Variants in COBLL1 observed in about 807,000 individuals in gnomAD.
COBLL1 encodes cordon-bleu protein-like 1.
Under a neutral mutation model 94.8 loss-of-function variants are expected in COBLL1, and 50 were observed. The ratio of observed to expected loss-of-function variants is 0.53; its 90% CI spans 0.42 to 0.67. COBLL1 has a LOEUF of 0.67. COBLL1 is among the 30% of genes least tolerant of loss of function. The pLI, the probability that COBLL1 is intolerant of heterozygous loss-of-function variation, is 0.00. For synonymous variants in COBLL1, 448 were observed against 473.8 expected (o/e 0.95, Z 0.71); for missense variants, 1,362 against 1,348.7 (o/e 1.01, Z -0.15).
At chr2:164,701,900 G>C (rs1050360026) in intron 9 of COBLL1, among the ~76,000 whole-genome samples, 26 of 151,206 alleles carry the variant, frequency 1.7e-4, no homozygotes, top group Middle Eastern at 3.4e-3. Context: ...GGTGGGAGGG[G>C]GGGGCGGGGT....
intron 2 of COBLL1, among the ~76,000 whole-genome samples, chr2:164,661,155 T>C (rs978431446): frequency 4.6e-5 from 7 of 152,070 alleles, no homozygotes; most frequent in African/African-American, 1.7e-4. Context: ...CAGTACCTTA[T>C]TATTGGGGGA....
At chr2:164,678,715 T>C (rs566868016), downstream of COBLL1, among the ~76,000 whole-genome samples, 6 of 152,246 alleles carry the variant, frequency 3.9e-5, no homozygotes, top group South Asian at 1.2e-3. Context: ...CAAGAATATA[T>C]AAAGCACTTC....
At chr2:164,725,459 C>G (rs778766739) in intron 5 of COBLL1, among the ~76,000 whole-genome samples, 2 of 151,718 alleles carry the variant, frequency 1.3e-5, no homozygotes, top group African/African-American at 2.4e-5. Flanking sequence ...ACTCTGTCAC[C>G]CAGTCTGGAG....
intron 7 of COBLL1, among the ~76,000 whole-genome samples, chr2:164,718,035 T>TA (rs1219589024): frequency 6.6e-6 from 1 of 152,198 alleles, no homozygotes; most frequent in East Asian, 1.9e-4. Context: ...ACCATAAAAG[T>TA]AAATGTAAGC....
At chr2:164,748,843 G>A in intron 2 of COBLL1, among the ~76,000 whole-genome samples, 1 of 152,044 alleles carries the variant, frequency 6.6e-6, no homozygotes, top group East Asian at 1.9e-4. Flanking sequence ...GTAAATTATT[G>A]CTTATGCAAA....
At chr2:164,815,982 A>T (rs766889281) in intron 2 of COBLL1, among the ~76,000 whole-genome samples, 32 of 152,204 alleles carry the variant, frequency 2.1e-4, no homozygotes, top group Non-Finnish European at 3.2e-4. Flanking sequence ...AAACAATGTG[A>T]GCAAGTGCTA....
chr2:164,662,754 G>T (rs923308396), intron 2 of COBLL1, among the ~76,000 whole-genome samples: 1 of 152,086 alleles, frequency 6.6e-6, no homozygotes, highest in Non-Finnish European at 1.5e-5. Context: ...GACTAAAAGT[G>T]TGTGACAACT....
chr2:164,786,212 C>T (rs1688948637), intron 2 of COBLL1, among the ~76,000 whole-genome samples: 3 of 152,160 alleles, frequency 2.0e-5, no homozygotes, highest in African/African-American at 7.2e-5. Context: ...TTTCTGACTG[C>T]TCATATTCCA....
intron 2 of COBLL1, among the ~76,000 whole-genome samples, chr2:164,796,659 T>C (rs1426640354): frequency 1.5e-5 from 2 of 130,098 alleles, no homozygotes; most frequent in Non-Finnish European, 3.1e-5. Context: ...ACCAAGCTCC[T>C]ATAAAATTTA....
chr2:164,704,922 A>C (rs1249761168), intron 8 of COBLL1, 30 bp downstream of exon 8: 1 of 1,527,058 alleles, frequency 6.5e-7, no homozygotes, highest in Non-Finnish European at 8.8e-7. Context: ...ACACAATACA[A>C]ATGTAATGTT....
At chr2:164,704,842 A>G (rs1484017662) in intron 8 of COBLL1, 110 bp downstream of exon 8, 11 of 1,168,198 alleles carry the variant, frequency 9.4e-6, no homozygotes, top group Admixed American at 2.6e-5. Flanking sequence ...ATGTATTTAA[A>G]AAGCCTAAGT....
chr2:164,679,809 A>G (rs1682960427), downstream of COBLL1, among the ~76,000 whole-genome samples: 1 of 151,898 alleles, frequency 6.6e-6, no homozygotes, highest in African/African-American at 2.4e-5. Context: ...TAGAGGAGGG[A>G]TATCATTAAG....
intron 9 of COBLL1, chr2:164,703,323 A>G: frequency 1.4e-6 from 1 of 715,744 alleles, no homozygotes; most frequent in Non-Finnish European, 2.4e-6. Flanking sequence ...GTTAGCTCAC[A>G]ATTATCCATG....
intron 2 of COBLL1, among the ~76,000 whole-genome samples, chr2:164,774,214 T>C (rs1688352572): frequency 6.6e-6 from 1 of 152,146 alleles, no homozygotes; most frequent in African/African-American, 2.4e-5. Context: ...AAAGCAGGCA[T>C]TTAATTTTGT....
chr2:164,687,724 T>C (rs576636718), intron 13 of COBLL1: 26 of 660,888 alleles, frequency 3.9e-5, no homozygotes, highest in Admixed American at 3.8e-4. Context: ...TTTGCAGCCA[T>C]TGCACACTGG....
rs1251356118 is a variant in COBLL1 at position 164,704,987 on chromosome 2, G to A, written c.1115C>T (p.Pro372Leu). ...ACTATTTTCATCACTTTGATGCGGGGGTATTTTGGAGGGTGGGGAAGGTGC... is the reference window on the plus strand; with the variant it reads ...ACTATTTTCATCACTTTGATGCGGGAGTATTTTGGAGGGTGGGGAAGGTGC... Reference protein sequence around the residue: ...RKAPSPPSKIPPHQSDENSRV... With the variant: ...RKAPSPPSKILPHQSDENSRV... Residue 372 changes from proline (P) to leucine (L), a missense_variant, in exon 8 of 14, where the codon CCC becomes CTC. Pro to Leu is a moderately conservative substitution (Grantham distance 98). Coordinates refer to ENST00000652658, the MANE Select transcript of COBLL1 (RefSeq NM_001365672.2). The A allele has an allele frequency of 3.8e-6, 6 of 1,596,626 alleles. No homozygotes were observed. The highest frequency in any genetic ancestry group is 5.1e-6 in the Non-Finnish European group (6 of 1,173,658).
At position 164,791,031 on chromosome 2, in the gene COBLL1, A is replaced by C. The variant is rs772456642; in HGVS notation, c.42-47156T>G. On this transcript the variant is annotated intron_variant, in intron 2 of 13. Transcript: ENST00000652658. ...TGCATCTAAATTAGTTTCCATTCTGAAAAGTTATGTATATAAATACATACA... is the reference window on the plus strand; with the variant it reads ...TGCATCTAAATTAGTTTCCATTCTGCAAAGTTATGTATATAAATACATACA... 1.2e-4 allele frequency among the ~76,000 whole-genome samples: 19 copies of C among 152,160 alleles called. 1 individual carries two copies. Among genetic ancestry groups the C allele is most frequent in the South Asian group, 4.1e-4 (2 of 4,832 alleles).
intron 7 of COBLL1, among the ~76,000 whole-genome samples, chr2:164,715,145 T>C (rs933474078): frequency 6.6e-6 from 1 of 152,216 alleles, no homozygotes; most frequent in East Asian, 1.9e-4. Context: ...ATTGTGATTA[T>C]GACCCTTTGA....
chr2:164,795,918 C>T (rs1188344885), intron 2 of COBLL1, among the ~76,000 whole-genome samples: 1 of 152,120 alleles, frequency 6.6e-6, no homozygotes, highest in African/African-American at 2.4e-5. Context: ...ACTTAGAAAG[C>T]AGCACTGATA....
Sources: allele counts gnomAD v4.1 joint callset (sites outside exome capture counted in the v4.1 genomes callset), GRCh38; gene constraint gnomAD v4.1.1; transcripts MANE v1.5; gene names NCBI Gene and HGNC (gene_info 2026-07-23, HGNC 2026-07-21).